GDAP1: variants seen among roughly 807,000 people sequenced by gnomAD.
GDAP1 encodes the protein ganglioside-induced differentiation-associated protein 1.
A neutral mutation model predicts 40.1 loss-of-function variants in GDAP1; 34 were observed. The observed-to-expected ratio is 0.85, with a 90% CI of 0.64 to 1.13. The LOEUF is 1.13. GDAP1 is among the 50% of genes most tolerant of loss of function. The pLI is 0.00. For synonymous variants in GDAP1, 170 were observed against 157.4 expected, an observed-to-expected ratio of 1.08 and a Z score of -0.60; for missense variants, 374 against 433.7, an observed-to-expected ratio of 0.86 and a Z score of 1.22.
At chr8:74,475,807 C>T (rs1806621841) in intron 2 of GDAP1, among the ~76,000 whole-genome samples, 1 of 152,034 alleles carries the variant, frequency 6.6e-6, no homozygotes, top group Non-Finnish European at 1.5e-5. Context: ...CCATTTGGTC[C>T]AGTGTTAAGT....
intron 2 of GDAP1, among the ~76,000 whole-genome samples, chr8:74,443,823 T>C (rs1450393544): frequency 6.6e-6 from 1 of 152,132 alleles, no homozygotes; most frequent in Non-Finnish European, 1.5e-5. Flanking sequence ...TCATGTTTGC[T>C]CTTGAAATCT....
chr8:74,363,204 C>T, intron 5 of GDAP1, 151 bp downstream of exon 5: 1 of 588,000 alleles, frequency 1.7e-6, no homozygotes, highest in Non-Finnish European at 3.0e-6. Flanking sequence ...TGATATTGCA[C>T]CCAGAAAAAC....
chr8:74,357,862 C>A (rs1809178191), intron 2 of GDAP1, among the ~76,000 whole-genome samples: 1 of 152,160 alleles, frequency 6.6e-6, no homozygotes, highest in Non-Finnish European at 1.5e-5. Flanking sequence ...GATAAAGGTA[C>A]TCTACGGAAG....
Position 74,452,272 on chromosome 8 carries a change from C to T in GDAP1, c.166-36406C>T, listed in dbSNP as rs1339346437. ...GCTGCTGTTCTTTATTTTTATACTGCTTGAAAGTCTATGAACTTTGTTCTT... is the reference window on the plus strand; with the variant it reads ...GCTGCTGTTCTTTATTTTTATACTGTTTGAAAGTCTATGAACTTTGTTCTT... On this transcript the variant is annotated intron_variant, in intron 2 of 2. Transcript: ENST00000523640. Among the ~76,000 whole-genome samples, 3 of 82,874 alleles carry T rather than the reference C, an allele frequency of 3.6e-5. 1 individual carries two copies. The highest frequency in any genetic ancestry group is 1.6e-4 in the African/African-American group (3 of 19,008). 54.4% of individuals were successfully genotyped at this position (82,874 alleles called of 152,430 possible). A position where few individuals can be genotyped will look rare whatever the true frequency, so the allele number is the denominator to read the frequency against.
At chr8:74,422,351 TC>T (rs58007950) in intron 2 of GDAP1, among the ~76,000 whole-genome samples, 1,960 of 29,800 alleles carry the variant, frequency 0.066, 43 homozygotes, top group African/African-American at 0.15. Context: ...CTTTCTTTCT[TC>T]CCTTCCTTCC....
At chr8:74,417,341 G>A (rs1244184976) in intron 2 of GDAP1, among the ~76,000 whole-genome samples, 1 of 149,980 alleles carries the variant, frequency 6.7e-6, no homozygotes, top group Non-Finnish European at 1.5e-5. Context: ...TTAGGAATAA[G>A]TCAACAAATG....
chr8:74,379,347 A>C (rs1037845117), intron 2 of GDAP1, among the ~76,000 whole-genome samples: 4 of 152,186 alleles, frequency 2.6e-5, no homozygotes, highest in African/African-American at 9.6e-5. Flanking sequence ...ACATCCTCAG[A>C]GGAGTTTCAG....
chr8:74,402,495 C>T (rs1056581277), intron 2 of GDAP1, among the ~76,000 whole-genome samples: 1 of 150,442 alleles, frequency 6.6e-6, no homozygotes, highest in South Asian at 2.1e-4. Context: ...CTCCCTGACC[C>T]CTTGCGCTTC....
rs1454375580 is a variant in GDAP1, at chr8:74,366,846, A to G, written c.*2479A>G. 9.1e-6 allele frequency: 4 copies of G among 439,716 alleles called. No homozygotes were observed. Among genetic ancestry groups the G allele is most frequent in the Non-Finnish European group, 1.8e-5 (4 of 222,452 alleles). The allele number at this position is 439,716 out of a possible 1,614,324, so 27.2% of individuals were successfully genotyped here. A position where few individuals can be genotyped will look rare whatever the true frequency, so the allele number is the denominator to read the frequency against. ...CTATTCTGTAAGATCAATAAAAGTAATTGGAAAATAAATATGAACCCTAAA... is the reference window on the plus strand; with the variant it reads ...CTATTCTGTAAGATCAATAAAAGTAGTTGGAAAATAAATATGAACCCTAAA... On this transcript the variant is annotated 3_prime_UTR_variant, in exon 6 of 6. Coordinates refer to ENST00000220822, the MANE Select transcript of GDAP1 (RefSeq NM_018972.4).
chr8:74,437,274 A>T (rs1171506119), intron 2 of GDAP1, among the ~76,000 whole-genome samples: 2 of 152,334 alleles, frequency 1.3e-5, no homozygotes, highest in South Asian at 2.1e-4. Context: ...CATTATACAG[A>T]TGAGGCAAGT....
At position 74,408,820 on chromosome 8, in the gene GDAP1, A is replaced by G. The variant is rs146699903; in HGVS notation, c.165+57499A>G. ...AGATGAAGGCCATCCTGGACCCCCA[A>G]TCCTTGAATCCTTCTAATGTGGCAG... On this transcript the variant is annotated intron_variant, in intron 2 of 2. Transcript: ENST00000523640. Among the ~76,000 whole-genome samples the G allele has an allele frequency of 1.2e-3, 178 of 150,078 alleles. 12 individuals are homozygous for G. The highest frequency in any genetic ancestry group is 4.1e-3 in the African/African-American group (161 of 39,416).
chr8:74,364,507 A>G lies in GDAP1; in HGVS notation c.*140A>G, dbSNP rs775647278. The G allele has an allele frequency of 6.5e-5, 57 of 876,856 alleles. No homozygotes were observed. The highest frequency in any genetic ancestry group is 9.3e-5 in the Non-Finnish European group (50 of 534,984). The allele number at this position is 876,856 out of a possible 1,614,324, so 54.3% of individuals were successfully genotyped here. On this transcript the variant is annotated 3_prime_UTR_variant, in exon 6 of 6. Coordinates refer to ENST00000220822, the MANE Select transcript of GDAP1 (RefSeq NM_018972.4). ...TCAGAAGTCATCTTTGTTACACAAC[A>G]CAGGGGTTCAGGTAGCAATAGGACA...
chr8:74,375,081 T>TG (rs1809828549), intron 2 of GDAP1, among the ~76,000 whole-genome samples: 1 of 2,066 alleles, frequency 4.8e-4, no homozygotes, highest in South Asian at 4.9e-3. Context: ...TAATCCCAGA[T>TG]CTTGGGAGGT....
At chr8:74,370,320 G>A (rs967815819), downstream of GDAP1, among the ~76,000 whole-genome samples, 3 of 152,224 alleles carry the variant, frequency 2.0e-5, no homozygotes, top group Admixed American at 2.0e-4. Flanking sequence ...GTTGGAGGAA[G>A]TGGATGAATG....
At chr8:74,467,291 AGTG>A (rs1390735696) in intron 2 of GDAP1, among the ~76,000 whole-genome samples, 4 of 152,176 alleles carry the variant, frequency 2.6e-5, no homozygotes, top group African/African-American at 9.7e-5. Context: ...ACTGGAGCTT[AGTG>A]ATCATGAGTC....
intron 2 of GDAP1, among the ~76,000 whole-genome samples, chr8:74,426,625 G>A (rs1027341376): frequency 5.3e-5 from 8 of 152,216 alleles, no homozygotes; most frequent in African/African-American, 1.9e-4. Flanking sequence ...GAGTGTAGTT[G>A]TAAAATGATA....
At chr8:74,377,619 CA>C (rs1351891783) in intron 2 of GDAP1, among the ~76,000 whole-genome samples, 1 of 152,120 alleles carries the variant, frequency 6.6e-6, no homozygotes, top group South Asian at 2.1e-4. Flanking sequence ...AAAAGGCTGA[CA>C]ATACTATTTG....
chr8:74,400,799 C>T (rs1241412127), intron 2 of GDAP1, among the ~76,000 whole-genome samples: 5 of 149,256 alleles, frequency 3.3e-5, no homozygotes, highest in African/African-American at 1.3e-4. Context: ...TTTTATTTCT[C>T]CTTCACTTAT....
chr8:74,390,278 T>A (rs1158391418), intron 2 of GDAP1, among the ~76,000 whole-genome samples: 1 of 152,192 alleles, frequency 6.6e-6, no homozygotes, highest in Non-Finnish European at 1.5e-5. Context: ...TTTTTGGAAT[T>A]TTTAGCCTTT....
Sources: allele counts gnomAD v4.1 joint callset (sites outside exome capture counted in the v4.1 genomes callset), GRCh38; gene constraint gnomAD v4.1.1; transcripts MANE v1.5; gene names NCBI Gene and HGNC (gene_info 2026-07-23, HGNC 2026-07-21).